FMNL2: variants seen among roughly 807,000 people sequenced by gnomAD.
The protein encoded by FMNL2 is formin like 2.
In FMNL2, 51 loss-of-function variants were observed where a neutral mutation model predicts 130.2. The observed-to-expected ratio is 0.39, with a 90% confidence interval of 0.31 to 0.49. The LOEUF (loss-of-function observed/expected upper bound fraction) is 0.49. FMNL2 is among the 20% of genes least tolerant of loss of function. FMNL2 has a pLI of 0.85. For synonymous variants in FMNL2, 465 were observed against 467.1 expected (o/e 1.00, Z 0.06); for missense variants, 977 against 1,316.2 (o/e 0.74, Z 3.99).
intron 2 of FMNL2, among the ~76,000 whole-genome samples, chr2:152,530,049 T>C (rs1693604938): frequency 1.3e-5 from 2 of 152,106 alleles, no homozygotes; most frequent in South Asian, 4.1e-4. Context: ...ACAAATGGAA[T>C]TATAGATCCC....
At chr2:152,552,291 C>G (rs1365671904) in intron 4 of FMNL2, among the ~76,000 whole-genome samples, 1 of 152,120 alleles carries the variant, frequency 6.6e-6, no homozygotes, top group Non-Finnish European at 1.5e-5. Context: ...TTATATATCT[C>G]TAAGGATATA....
At chr2:152,426,400 T>C (rs1230295155) in intron 1 of FMNL2, among the ~76,000 whole-genome samples, 1 of 152,220 alleles carries the variant, frequency 6.6e-6, no homozygotes, top group Non-Finnish European at 1.5e-5. Flanking sequence ...CCATAGCCCT[T>C]AGTATGTTTT....
At chr2:152,548,515 T>G (rs1044430584) in intron 3 of FMNL2, among the ~76,000 whole-genome samples, 2 of 152,236 alleles carry the variant, frequency 1.3e-5, no homozygotes, top group African/African-American at 4.8e-5. Context: ...ACTGAGTCTC[T>G]AATGAGCTTT....
chr2:152,425,738 A>G (rs1318271480), intron 1 of FMNL2, among the ~76,000 whole-genome samples: 1 of 152,202 alleles, frequency 6.6e-6, no homozygotes, highest in Non-Finnish European at 1.5e-5. Context: ...TCTTGTCTAT[A>G]ACATTGGAAA....
intron 1 of FMNL2, among the ~76,000 whole-genome samples, chr2:152,448,923 G>A (rs1427946738): frequency 1.3e-5 from 2 of 152,162 alleles, no homozygotes; most frequent in Non-Finnish European, 2.9e-5. Flanking sequence ...ACTGTTTAGT[G>A]CTTTTAAGCC....
At chr2:152,592,697 C>T (rs1050284604) in intron 9 of FMNL2, among the ~76,000 whole-genome samples, 2 of 151,976 alleles carry the variant, frequency 1.3e-5, no homozygotes, top group East Asian at 1.9e-4. Context: ...TTAGATGCAC[C>T]ATCTGAGGTA....
intron 22 of FMNL2, among the ~76,000 whole-genome samples, chr2:152,636,987 G>A (rs1038200077): frequency 2.6e-5 from 4 of 152,146 alleles, no homozygotes; most frequent in Non-Finnish European, 5.9e-5. Flanking sequence ...TAGATAGGCA[G>A]GCCTGCAAAA....
chr2:152,618,133 T>C (rs188943750), intron 13 of FMNL2, among the ~76,000 whole-genome samples: 6 of 152,320 alleles, frequency 3.9e-5, no homozygotes, highest in African/African-American at 1.4e-4. Context: ...CTAGAACCTC[T>C]ATGGGCCCCC....
intron 5 of FMNL2, 29 bp from the exon 6 acceptor site, chr2:152,560,854 T>C: frequency 6.3e-7 from 1 of 1,588,988 alleles, no homozygotes. Context: ...AATTTTTCAG[T>C]CTTCAATGGC....
intron 1 of FMNL2, among the ~76,000 whole-genome samples, chr2:152,373,170 C>A (rs902974576): frequency 1.3e-5 from 2 of 152,192 alleles, no homozygotes; most frequent in Non-Finnish European, 2.9e-5. Flanking sequence ...AAATTGGTTA[C>A]TGTTCTTATA....
intron 9 of FMNL2, among the ~76,000 whole-genome samples, chr2:152,589,313 A>G (rs1697255792): frequency 7.7e-6 from 1 of 129,582 alleles, no homozygotes. Context: ...ACTTAAAAAA[A>G]CAAACAAAAA....
intron 25 of FMNL2, chr2:152,644,041 G>GT (rs1292408316): frequency 3.3e-6 from 1 of 298,518 alleles, no homozygotes; most frequent in African/African-American, 2.3e-5. Context: ...ACCAGCCTGG[G>GT]TAACATAGGG....
intron 1 of FMNL2, among the ~76,000 whole-genome samples, chr2:152,345,187 A>G (rs904953660): frequency 6.6e-5 from 10 of 152,304 alleles, no homozygotes; most frequent in African/African-American, 2.4e-4. Flanking sequence ...AAAACTTTCT[A>G]ATAATAGGGA....
At position 152,578,905 on chromosome 2, in the gene FMNL2, C is replaced by T; in HGVS notation, c.723C>T (p.Val241=). Residue 241 remains valine, a synonymous_variant, in exon 8 of 26, where the codon GTC becomes GTT. Coordinates refer to ENST00000288670, the MANE Select transcript of FMNL2 (RefSeq NM_052905.4). ...IMNYQYGFNM[V]MSHPHAVNEI... ...AATTTTAGTATGGTTTCAACATGGT[C>T]ATGTCTCATCCACACGCTGTCAATG... is the stretch of plus-strand genomic sequence containing the variant. 6.2e-7 allele frequency: 1 copy of T among 1,612,650 alleles called. No individual in the cohort carries two copies. Among genetic ancestry groups the T allele is most frequent in the East Asian group, 2.2e-5 (1 of 44,856 alleles).
At chr2:152,604,199 T>C (rs1296207895) in intron 9 of FMNL2, among the ~76,000 whole-genome samples, 2 of 151,020 alleles carry the variant, frequency 1.3e-5, no homozygotes, top group East Asian at 4.1e-4. Context: ...AATATGTTTA[T>C]ATGGGCATTC....
At chr2:152,357,759 A>G (rs1682917958) in intron 1 of FMNL2, among the ~76,000 whole-genome samples, 1 of 152,240 alleles carries the variant, frequency 6.6e-6, no homozygotes, top group Non-Finnish European at 1.5e-5. Context: ...TCAGTTGACA[A>G]AAATGTTGCA....
intron 1 of FMNL2, among the ~76,000 whole-genome samples, chr2:152,401,969 G>A (rs371379478): frequency 7.0e-6 from 1 of 141,936 alleles, no homozygotes; most frequent in Non-Finnish European, 1.5e-5. Flanking sequence ...GCAGTGGCGC[G>A]ATCTCAGCTC....
intron 4 of FMNL2, among the ~76,000 whole-genome samples, chr2:152,551,527 G>C (rs528915306): frequency 8.5e-5 from 13 of 152,316 alleles, no homozygotes; most frequent in Admixed American, 4.6e-4. Context: ...CATCTTGCCT[G>C]TTCTGAAAAC....
chr2:152,335,637 A>G lies in FMNL2; in HGVS notation c.34A>G (p.Thr12Ala). The change falls in exon 1 of 26, where the codon ACC becomes GCC. Residue 12 changes from threonine (T) to alanine (A), a missense_variant. This residue lies in a region of FMNL2 where 117 missense variants were observed against 134.9 expected (regional missense o/e 0.87). Coordinates refer to ENST00000288670, the MANE Select transcript of FMNL2 (RefSeq NM_052905.4). ...CGCAGGGAGCATGGATTCGCAGCAG[A>G]CCGATTTCAGGGCGCACAACGTGCC... The part of the protein sequence containing the change: ...GNAGSMDSQQ[T>A]DFRAHNVPLK... 2 of 1,593,364 alleles carry G rather than the reference A, an allele frequency of 1.3e-6. No homozygotes were observed. The highest frequency in any genetic ancestry group is 1.7e-6 in the Non-Finnish European group (2 of 1,169,816).
Sources: allele counts gnomAD v4.1 joint callset (sites outside exome capture counted in the v4.1 genomes callset), GRCh38; gene constraint gnomAD v4.1.1; regional missense constraint gnomAD v4.1.1; transcripts MANE v1.5; gene names NCBI Gene and HGNC (gene_info 2026-07-23, HGNC 2026-07-21).